The following GRB10 variants were observed in gnomAD, a reference collection of about 807,000 sequenced individuals.
The protein encoded by GRB10 is growth factor receptor bound protein 10, also known as growth factor receptor-bound protein 10.
In GRB10, 20 loss-of-function variants were observed where a neutral mutation model predicts 80.9. The ratio of observed to expected loss-of-function variants is 0.25; its 90% CI spans 0.17 to 0.36. The LOEUF (loss-of-function observed/expected upper bound fraction) is 0.36, where lower values mean the gene tolerates loss of function less well. GRB10 is among the 10% of genes least tolerant of loss of function. GRB10 has a pLI of 1.00. For synonymous variants in GRB10, 291 were observed against 291.5 expected (o/e 1.00, Z 0.02); for missense variants, 548 against 747.7 (o/e 0.73, Z 3.12).
At chr7:50,784,798 G>A (rs561232911), upstream of GRB10, among the ~76,000 whole-genome samples, 1 of 152,356 alleles carries the variant, frequency 6.6e-6, no homozygotes, top group South Asian at 2.1e-4. Context: ...GGAAAGTGGA[G>A]ATGAAGCCTG....
At chr7:50,745,183 CA>C (rs2072684236) in intron 3 of GRB10, among the ~76,000 whole-genome samples, 1 of 152,126 alleles carries the variant, frequency 6.6e-6, no homozygotes, top group Admixed American at 6.6e-5. Flanking sequence ...TCACACAGTT[CA>C]AATCCATGTT....
At chr7:50,729,094 G>A (rs2069176161) in intron 4 of GRB10, among the ~76,000 whole-genome samples, 3 of 152,190 alleles carry the variant, frequency 2.0e-5, no homozygotes, top group Admixed American at 6.5e-5. Context: ...CACATCTTGT[G>A]GTGTCCTGGG....
chr7:50,632,541 G>A (rs1464176430), intron 7 of GRB10, among the ~76,000 whole-genome samples: 2 of 152,194 alleles, frequency 1.3e-5, no homozygotes, highest in African/African-American at 4.8e-5. Context: ...TGGGAGCCGG[G>A]TGCCCCACCC....
intron 7 of GRB10, among the ~76,000 whole-genome samples, chr7:50,632,883 G>T (rs1019669187): frequency 6.6e-6 from 1 of 152,136 alleles, no homozygotes; most frequent in African/African-American, 2.4e-5. Flanking sequence ...CGCCAAGGTT[G>T]GTGCTTGTAC....
intron 17 of GRB10, 80 bp from the exon 18 acceptor site, chr7:50,595,610 C>G: frequency 1.4e-6 from 1 of 725,964 alleles, no homozygotes; most frequent in African/African-American, 1.8e-5. Flanking sequence ...CTTACACACA[C>G]ACACACACAC....
chr7:50,604,391 CCCA>C lies in GRB10; in HGVS notation c.1390-17_1390-15del, dbSNP rs1563125282. 1.2e-6 allele frequency: 2 copies of C among 1,607,072 alleles called. No individual in the cohort carries two copies. The highest frequency in any genetic ancestry group is 8.5e-7 in the Non-Finnish European group (1 of 1,174,854). On this transcript the variant is annotated splice_polypyrimidine_tract_variant and intron_variant, in intron 15 of 18. Coordinates refer to ENST00000401949, the MANE Select transcript of GRB10 (RefSeq NM_001350814.2). The stretch of plus-strand genomic sequence containing the variant: ...TGTGCTTCGCTTCTGCAAAAGAAAT[CCCA>C]CATTAGCACCGAGGACAGCAGACAG...
intron 2 of GRB10, among the ~76,000 whole-genome samples, chr7:50,757,725 C>T (rs922337565): frequency 6.6e-6 from 1 of 152,200 alleles, no homozygotes; most frequent in Non-Finnish European, 1.5e-5. Flanking sequence ...TGTGACATGG[C>T]AATGGGAACA....
chr7:50,706,918 C>T (rs1467071310), intron 4 of GRB10, among the ~76,000 whole-genome samples: 1 of 152,216 alleles, frequency 6.6e-6, no homozygotes, highest in African/African-American at 2.4e-5. Flanking sequence ...CCTCCCAACC[C>T]TCTGTTACTG....
intron 4 of GRB10, among the ~76,000 whole-genome samples, chr7:50,719,282 T>G (rs1402863143): frequency 2.0e-5 from 3 of 152,206 alleles, no homozygotes; most frequent in Admixed American, 1.3e-4. Flanking sequence ...ACAGGTGTCC[T>G]GTGACACCTA....
At chr7:50,604,844 G>A in intron 15 of GRB10, 1 of 291,262 alleles carries the variant, frequency 3.4e-6, no homozygotes, top group Non-Finnish European at 6.5e-6. Flanking sequence ...TAGAAGCCGA[G>A]TGATAGTCTT....
At chr7:50,644,284 C>T (rs192975745) in intron 7 of GRB10, among the ~76,000 whole-genome samples, 4 of 152,272 alleles carry the variant, frequency 2.6e-5, no homozygotes, top group Non-Finnish European at 4.4e-5. Context: ...TGTGTGTTCA[C>T]CTGCCCAGTG....
intron 5 of GRB10, among the ~76,000 whole-genome samples, chr7:50,681,269 C>A (rs1049882978): frequency 1.3e-5 from 2 of 152,188 alleles, no homozygotes; most frequent in African/African-American, 4.8e-5. Context: ...AGGGGAGCCC[C>A]TCCACGGAGA....
intron 5 of GRB10, among the ~76,000 whole-genome samples, chr7:50,680,795 G>C (rs2061457584): frequency 6.6e-6 from 1 of 152,148 alleles, no homozygotes; most frequent in Admixed American, 6.5e-5. Flanking sequence ...ATTTTTCTTA[G>C]AATGTTTTTT....
intron 2 of GRB10, among the ~76,000 whole-genome samples, chr7:50,774,906 G>C (rs188016770): frequency 1.6e-4 from 24 of 151,788 alleles, no homozygotes; most frequent in African/African-American, 4.8e-4. Flanking sequence ...CACTGTCGGA[G>C]GTTGAGGCGG....
rs78931567 is a variant in GRB10, at chr7:50,652,435, G to A, written c.504+17287C>T. On this transcript the variant is annotated intron_variant, in intron 7 of 18. Transcript: ENST00000401949. ...TAGAAGCAACCTGTCCTTTATTAGG[G>A]GAACTCCAAATTACACCAAAGAGGG... Among the ~76,000 whole-genome samples, 1,255 of 152,256 alleles carry A rather than the reference G, an allele frequency of 8.2e-3. 16 individuals are homozygous for A. The highest frequency in any genetic ancestry group is 0.029 in the African/African-American group (1,198 of 41,530).
At chr7:50,595,748 T>C (rs115556268) in intron 17 of GRB10, 5 of 509,306 alleles carry the variant, frequency 9.8e-6, no homozygotes, top group South Asian at 6.2e-5. Context: ...TCATTCTCCA[T>C]TGGAAAAAAG....
intron 18 of GRB10, 143 bp from the exon 19 acceptor site, chr7:50,593,241 G>C: frequency 1.1e-6 from 1 of 923,950 alleles, no homozygotes; most frequent in Non-Finnish European, 1.7e-6. Context: ...AAAACACCAG[G>C]GGCGGGAAAG....
intron 7 of GRB10, among the ~76,000 whole-genome samples, chr7:50,648,572 C>T (rs2057567725): frequency 6.6e-6 from 1 of 152,104 alleles, no homozygotes; most frequent in Non-Finnish European, 1.5e-5. Flanking sequence ...GAATCCTTAT[C>T]CCAAGTCCTC....
intron 2 of GRB10, among the ~76,000 whole-genome samples, chr7:50,774,933 C>T (rs2077418880): frequency 6.6e-6 from 1 of 150,636 alleles, no homozygotes; most frequent in Non-Finnish European, 1.5e-5. Context: ...TTCTTGAGCC[C>T]AGGAGGTCGA....
Sources: gnomAD v4.1 joint callset for allele counts (sites outside exome capture counted in the v4.1 genomes callset) on GRCh38, gnomAD v4.1.1 for gene constraint, MANE v1.5 for transcripts, NCBI Gene and HGNC (gene_info 2026-07-23, HGNC 2026-07-21) for gene names.